The following LIFR variants were observed in gnomAD, a reference collection of about 807,000 sequenced individuals.
LIFR encodes the protein leukemia inhibitory factor receptor.
A neutral mutation model predicts 122.2 loss-of-function variants in LIFR; 84 were observed. The ratio of observed to expected loss-of-function variants is 0.69; its 90% CI spans 0.58 to 0.82. The LOEUF is 0.82. LIFR is among the 40% of genes least tolerant of loss of function. The pLI is 0.00. For synonymous variants in LIFR, 422 were observed against 434.7 expected (o/e 0.97, Z 0.36); for missense variants, 1,294 against 1,311.6 (o/e 0.99, Z 0.21).
At chr5:38,560,303 G>A (rs1748784725), upstream of LIFR, among the ~76,000 whole-genome samples, 2 of 152,186 alleles carry the variant, frequency 1.3e-5, no homozygotes, top group South Asian at 4.1e-4. Context: ...TGAGCACAGT[G>A]TTGGACAAGA....
At chr5:38,586,283 A>G (rs984603333) in intron 1 of LIFR, among the ~76,000 whole-genome samples, 1 of 152,216 alleles carries the variant, frequency 6.6e-6, no homozygotes, top group Non-Finnish European at 1.5e-5. Flanking sequence ...AAGAATTATG[A>G]CAAACTGTCC....
chr5:38,495,613 C>G (rs1744836724), intron 13 of LIFR, among the ~76,000 whole-genome samples: 1 of 152,186 alleles, frequency 6.6e-6, no homozygotes, highest in African/African-American at 2.4e-5. Context: ...CCTAACTGGA[C>G]CAATTTTTCT....
intron 1 of LIFR, among the ~76,000 whole-genome samples, chr5:38,587,852 A>G (rs1749800530): frequency 6.6e-6 from 1 of 152,214 alleles, no homozygotes; most frequent in Admixed American, 6.5e-5. Context: ...AAAATCCATC[A>G]AAAGACCCTT....
rs116186247 is a variant in LIFR, at chr5:38,593,371, C to T, written c.-20+1890G>A. 5.4e-3 allele frequency among the ~76,000 whole-genome samples: 825 copies of T among 152,264 alleles called. 4 individuals carry two copies. Among genetic ancestry groups the T allele is most frequent in the African/African-American group, 0.018 (735 of 41,546 alleles). On this transcript the variant is annotated intron_variant, in intron 1 of 19. Transcript: ENST00000263409. ...CCTATGCTGTCTAATACAATTGTTG[C>T]TTGCCACATGGAGTTAAGTTTAAAT...
intron 1 of LIFR, among the ~76,000 whole-genome samples, chr5:38,562,234 CTTA>C (rs1748866107): frequency 6.6e-6 from 1 of 152,172 alleles, no homozygotes; most frequent in Non-Finnish European, 1.5e-5. Flanking sequence ...CTTAAGGAAT[CTTA>C]TTGTTTCCCT....
chr5:38,572,536 A>G (rs962327195), intron 1 of LIFR, among the ~76,000 whole-genome samples: 5 of 152,194 alleles, frequency 3.3e-5, no homozygotes, highest in African/African-American at 7.2e-5. Context: ...ATCCTTATAA[A>G]GCACCCCTCA....
At position 38,477,043 on chromosome 5, in the gene LIFR, A is replaced by C. The variant is rs1424257288; in HGVS notation, c.*4552T>G. On this transcript the variant is annotated 3_prime_UTR_variant, in exon 20 of 20. Coordinates refer to ENST00000453190, the MANE Select transcript of LIFR (RefSeq NM_001127671.2). ...TCCCTGAAACATTACCATGTACAAT[A>C]AAGCCTGAAATAGCCAACTAATTGA... 4.4e-6 allele frequency: 1 copy of C among 224,928 alleles called. No individual in the cohort carries two copies. Among genetic ancestry groups the C allele is most frequent in the Non-Finnish European group, 8.9e-6 (1 of 112,984 alleles). 13.9% of individuals were successfully genotyped at this position (224,928 alleles called of 1,614,324 possible). A position where few individuals can be genotyped will look rare whatever the true frequency, so the allele number is the denominator to read the frequency against.
At chr5:38,512,487 A>T (rs2112501107) in intron 5 of LIFR, among the ~76,000 whole-genome samples, 1 of 152,138 alleles carries the variant, frequency 6.6e-6, no homozygotes, top group Admixed American at 6.5e-5. Flanking sequence ...ATAAAAAAAT[A>T]AAATTAGCCA....
intron 1 of LIFR, among the ~76,000 whole-genome samples, chr5:38,533,094 G>A (rs1215148354): frequency 6.6e-6 from 1 of 152,156 alleles, no homozygotes; most frequent in African/African-American, 2.4e-5. Flanking sequence ...TCCAGATGAG[G>A]TAGAAATCTG....
intron 1 of LIFR, among the ~76,000 whole-genome samples, chr5:38,573,913 C>T (rs547372386): frequency 4.3e-4 from 66 of 152,094 alleles, no homozygotes; most frequent in South Asian, 2.3e-3. Flanking sequence ...GAGGCTGAGG[C>T]AGACCAGCCT....
At chr5:38,486,450 A>G (rs1238296101) in intron 16 of LIFR, among the ~76,000 whole-genome samples, 1 of 152,234 alleles carries the variant, frequency 6.6e-6, no homozygotes, top group African/African-American at 2.4e-5. Flanking sequence ...GATCAGTGTG[A>G]TGGGGACTCT....
intron 5 of LIFR, among the ~76,000 whole-genome samples, chr5:38,516,195 CCCTT>C (rs1746071535): frequency 1.3e-5 from 2 of 152,054 alleles, no homozygotes; most frequent in African/African-American, 4.8e-5. Context: ...GCCTAACAGT[CCCTT>C]CATTTAAGTT....
intron 5 of LIFR, among the ~76,000 whole-genome samples, chr5:38,520,158 G>A (rs892628528): frequency 6.6e-6 from 1 of 151,934 alleles, no homozygotes; most frequent in Non-Finnish European, 1.5e-5. Context: ...TTTAATAATA[G>A]CCATTCTAAT....
intron 18 of LIFR, among the ~76,000 whole-genome samples, 160 bp from the exon 19 acceptor site, chr5:38,482,827 C>T (rs1744068565): frequency 6.6e-6 from 1 of 152,154 alleles, no homozygotes; most frequent in Non-Finnish European, 1.5e-5. Context: ...CTACAGCTGT[C>T]TATACAATGC....
chr5:38,483,189 G>C (rs1465094703), intron 18 of LIFR, among the ~76,000 whole-genome samples: 1 of 152,142 alleles, frequency 6.6e-6, no homozygotes, highest in African/African-American at 2.4e-5. Flanking sequence ...TGCAGGCTGT[G>C]CTAAGAAAAA....
At chr5:38,487,086 C>T (rs1744325606) in intron 16 of LIFR, among the ~76,000 whole-genome samples, 1 of 152,100 alleles carries the variant, frequency 6.6e-6, no homozygotes, top group African/African-American at 2.4e-5. Context: ...ATCTTCTCTG[C>T]CCTCCCCTCC....
upstream of LIFR, among the ~76,000 whole-genome samples, chr5:38,600,386 C>G (rs1750201069): frequency 6.6e-6 from 1 of 152,246 alleles, no homozygotes; most frequent in Admixed American, 6.5e-5. Context: ...CAGAGTTTGA[C>G]TCTTTGTCAC....
chr5:38,479,853 T>C lies in LIFR; in HGVS notation c.*1742A>G, dbSNP rs534795497. 16 of 227,046 alleles carry C rather than the reference T, an allele frequency of 7.0e-5. No individual in the cohort carries two copies. Among genetic ancestry groups the C allele is most frequent in the African/African-American group, 3.1e-4 (14 of 45,096 alleles). The allele number at this position is 227,046 out of a possible 1,614,324, so 14.1% of individuals were successfully genotyped here. On this transcript the variant is annotated 3_prime_UTR_variant, in exon 20 of 20. Transcript: ENST00000453190. ...TTCATTACTGAACATTTCTATGAAC[T>C]ATTATATAGTTTTAATATACTATGT...
chr5:38,589,201 G>A (rs1313874413), intron 1 of LIFR, among the ~76,000 whole-genome samples: 2 of 151,668 alleles, frequency 1.3e-5, no homozygotes, highest in Non-Finnish European at 2.9e-5. Context: ...TAGAGATGGT[G>A]TTTCACTGTG....
Sources: allele counts gnomAD v4.1 joint callset (sites outside exome capture counted in the v4.1 genomes callset), GRCh38; gene constraint gnomAD v4.1.1; transcripts MANE v1.5; gene names NCBI Gene and HGNC (gene_info 2026-07-23, HGNC 2026-07-21).